Variants in NCOA7 observed in about 807,000 individuals in gnomAD.
The protein encoded by NCOA7 is nuclear receptor coactivator 7, also known as 140 kDa estrogen receptor-associated protein.
A neutral mutation model predicts 104.3 loss-of-function variants in NCOA7; 45 were observed. The observed-to-expected ratio is 0.43, with a 90% confidence interval of 0.34 to 0.55. NCOA7 has a LOEUF of 0.55. Among genes scored for constraint, NCOA7 ranks in the 20% least tolerant of loss-of-function variants. NCOA7 has a pLI of 0.02. For synonymous variants in NCOA7, 398 were observed against 402.3 expected, an observed-to-expected ratio of 0.99 and a Z score of 0.13; for missense variants, 1,041 against 1,119.7, an observed-to-expected ratio of 0.93 and a Z score of 1.00.
intron 11 of NCOA7, among the ~76,000 whole-genome samples, chr6:125,918,561 A>G (rs1410438973): frequency 6.6e-6 from 1 of 152,230 alleles, no homozygotes; most frequent in Non-Finnish European, 1.5e-5. Flanking sequence ...ATCACTGAAA[A>G]TTGATCCAGT....
intron 3 of NCOA7, among the ~76,000 whole-genome samples, chr6:125,860,173 G>A (rs1159443815): frequency 6.6e-6 from 1 of 152,022 alleles, no homozygotes; most frequent in Non-Finnish European, 1.5e-5. Context: ...TTCTGTTTGG[G>A]TAAACTCTTA....
At chr6:125,785,155 T>A (rs1044197502) in intron 1 of NCOA7, among the ~76,000 whole-genome samples, 3 of 152,078 alleles carry the variant, frequency 2.0e-5, no homozygotes, top group African/African-American at 7.2e-5. Flanking sequence ...CTGGCCAACA[T>A]GGTGAAATCC....
Position 125,889,125 on chromosome 6 carries a change from T to C in NCOA7, c.1071T>C (p.His357=), listed in dbSNP as rs751495037. ...TACCTTTGGAGAAGTCCACAGGACA[T>C]ACACCTACAAAGCCCTCAGGCAGCT... ...PIVPLEKSTG[H]TPTKPSGSSV... is the part of the protein sequence containing the mutation. Residue 357 remains histidine, a synonymous_variant, in exon 9 of 16, where the codon CAT becomes CAC. Transcript: ENST00000392477. The C allele has an allele frequency of 6.2e-7, 1 of 1,614,164 alleles. No individual in the cohort carries two copies.
intron 1 of NCOA7, among the ~76,000 whole-genome samples, chr6:125,785,302 C>A (rs1268073): frequency 0.06 from 9,089 of 152,124 alleles, 817 homozygotes; most frequent in African/African-American, 0.2. Flanking sequence ...GGTGCCACTG[C>A]GCTCCAGCCT....
chr6:125,856,622 G>A (rs188122273), intron 3 of NCOA7, among the ~76,000 whole-genome samples: 1 of 152,206 alleles, frequency 6.6e-6, no homozygotes, highest in Non-Finnish European at 1.5e-5. Flanking sequence ...AAAGTGCTGG[G>A]ATTACAGGCG....
chr6:125,783,327 T>C lies in NCOA7; in HGVS notation c.-142+1956T>C, dbSNP rs1439774681. Among the ~76,000 whole-genome samples, 3 of 152,246 alleles carry C rather than the reference T, an allele frequency of 2.0e-5. 1 individual carries two copies. The highest frequency in any genetic ancestry group is 4.1e-4 in the South Asian group (2 of 4,836). ...CAAATATCAATGGTGGAAGTGATTC[T>C]TTGAGACTGTAGACCATTCTGTTCC... is the stretch of plus-strand genomic sequence containing the variant. On this transcript the variant is annotated intron_variant, in intron 1 of 16. Transcript: ENST00000368357.
At chr6:125,897,462 G>A (rs180678187) in intron 10 of NCOA7, among the ~76,000 whole-genome samples, 1 of 152,180 alleles carries the variant, frequency 6.6e-6, no homozygotes, top group Admixed American at 6.5e-5. Context: ...CCTTAAATAG[G>A]CTTCTTTAAG....
chr6:125,856,893 C>T (rs142544398), intron 3 of NCOA7, among the ~76,000 whole-genome samples: 37 of 152,254 alleles, frequency 2.4e-4, no homozygotes, highest in African/African-American at 8.9e-4. Context: ...TTTAATGAAA[C>T]CTTCCAACAG....
At chr6:125,821,410 C>A (rs1489570300) in intron 2 of NCOA7, among the ~76,000 whole-genome samples, 1 of 152,128 alleles carries the variant, frequency 6.6e-6, no homozygotes, top group Non-Finnish European at 1.5e-5. Context: ...CTCTGCAGTG[C>A]TGCCATGTGC....
chr6:125,901,696 C>G (rs1785519683), intron 10 of NCOA7, among the ~76,000 whole-genome samples: 2 of 152,178 alleles, frequency 1.3e-5, no homozygotes, highest in Admixed American at 1.3e-4. Context: ...AAGTGTTAAA[C>G]CAGCTTAGTG....
chr6:125,859,710 A>G (rs970023353), intron 3 of NCOA7, among the ~76,000 whole-genome samples: 2 of 152,234 alleles, frequency 1.3e-5, no homozygotes, highest in African/African-American at 4.8e-5. Context: ...CAAAATAATT[A>G]CTTTCTGTAG....
chr6:125,856,872 T>G (rs1781606673), intron 3 of NCOA7, among the ~76,000 whole-genome samples: 1 of 152,138 alleles, frequency 6.6e-6, no homozygotes, highest in African/African-American at 2.4e-5. Context: ...GAAACATACC[T>G]TGTATCCATG....
Position 125,889,743 on chromosome 6 carries a change from T to C in NCOA7, c.1689T>C (p.Ser563=). The change falls in exon 9 of 16, where the codon TCT becomes TCC. Residue 563 remains serine (S), a synonymous_variant. Coordinates refer to ENST00000392477, the MANE Select transcript of NCOA7 (RefSeq NM_181782.5). ...GAATAGACATTACCCTTAGTAGTTCTCTTTCCCAGGCGGGTGATCCCATAA... is the reference window on the plus strand; with the variant it reads ...GAATAGACATTACCCTTAGTAGTTCCCTTTCCCAGGCGGGTGATCCCATAA... The part of the protein sequence containing the change: ...PGGIDITLSS[S]LSQAGDPITE... 1 of 1,612,950 alleles carries C rather than the reference T, an allele frequency of 6.2e-7. No individual in the cohort carries two copies. Among genetic ancestry groups the C allele is most frequent in the African/African-American group, 1.3e-5 (1 of 74,964 alleles).
intron 2 of NCOA7, among the ~76,000 whole-genome samples, chr6:125,825,577 A>G (rs1211281896): frequency 6.6e-6 from 1 of 152,266 alleles, no homozygotes; most frequent in African/African-American, 2.4e-5. Flanking sequence ...AATACATAAT[A>G]TAAAGCAGAT....
intron 2 of NCOA7, among the ~76,000 whole-genome samples, chr6:125,845,974 A>G (rs898977962): frequency 2.6e-5 from 4 of 152,142 alleles, no homozygotes; most frequent in Non-Finnish European, 4.4e-5. Flanking sequence ...CTATAGCTAC[A>G]TATTTTATAT....
At chr6:125,908,732 C>CTTATATCTAATAATACTAATA (rs1786257634) in intron 10 of NCOA7, among the ~76,000 whole-genome samples, 1 of 152,176 alleles carries the variant, frequency 6.6e-6, no homozygotes, top group Non-Finnish European at 1.5e-5. Flanking sequence ...AATACTAAGT[C>CTTATATCTAATAATACTAATA]CTACTTATAT....
Position 125,922,841 on chromosome 6 carries a change from C to A in NCOA7, c.2523+7C>A. 1 of 1,612,192 alleles carries A rather than the reference C, an allele frequency of 6.2e-7. No individual in the cohort carries two copies. Among genetic ancestry groups the A allele is most frequent in the East Asian group, 2.2e-5 (1 of 44,852 alleles). Reference sequence around the variant, plus strand: ...CAAAGATATGGATAATCAGGTGAGGCCTGTCCCTCTCATAAAGAATATTTT... The same window carrying A: ...CAAAGATATGGATAATCAGGTGAGGACTGTCCCTCTCATAAAGAATATTTT... On this transcript the variant is annotated splice_region_variant and intron_variant, in intron 13 of 15. Transcript: ENST00000392477.
At chr6:125,885,011 G>T in intron 7 of NCOA7, 148 bp from the exon 8 acceptor site, 1 of 784,602 alleles carries the variant, frequency 1.3e-6, no homozygotes, top group Non-Finnish European at 2.0e-6. Context: ...CTGTTTTTCT[G>T]GTCCTCACAA....
chr6:125,849,450 C>T (rs1362180498), intron 2 of NCOA7, among the ~76,000 whole-genome samples: 3 of 152,160 alleles, frequency 2.0e-5, no homozygotes, highest in Non-Finnish European at 4.4e-5. Flanking sequence ...AAGCCCATAG[C>T]GTAATTTGTC....
Sources: allele counts gnomAD v4.1 joint callset (sites outside exome capture counted in the v4.1 genomes callset), GRCh38; gene constraint gnomAD v4.1.1; transcripts MANE v1.5; gene names NCBI Gene and HGNC (gene_info 2026-07-23, HGNC 2026-07-21).